Variants in CCNT1 observed in about 807,000 individuals in gnomAD.
CCNT1 encodes the protein cyclin T1.
Under a neutral mutation model 67.3 loss-of-function variants are expected in CCNT1, and 18 were observed. The ratio of observed to expected loss-of-function variants is 0.27; its 90% confidence interval spans 0.18 to 0.40. The LOEUF is 0.40. Ranked by LOEUF, CCNT1 falls within the 10% of genes least tolerant of loss-of-function variation. CCNT1 has a pLI of 1.00. For synonymous variants in CCNT1, 333 were observed against 310.3 expected (o/e 1.07, Z -0.77); for missense variants, 744 against 884.9 (o/e 0.84, Z 2.02).
chr12:48,704,246 A>T (rs1940318724), intron 3 of CCNT1, among the ~76,000 whole-genome samples: 1 of 152,166 alleles, frequency 6.6e-6, no homozygotes, highest in South Asian at 2.1e-4. Context: ...GCCTGTTATG[A>T]ACTAGGCCAC....
At chr12:48,699,547 C>T (rs1033738913) in intron 5 of CCNT1, among the ~76,000 whole-genome samples, 1 of 152,216 alleles carries the variant, frequency 6.6e-6, no homozygotes, top group African/African-American at 2.4e-5. Flanking sequence ...AACTGCCCAA[C>T]TTTGACAAAC....
intron 3 of CCNT1, among the ~76,000 whole-genome samples, chr12:48,705,360 G>A (rs1412138167): frequency 6.6e-6 from 1 of 151,908 alleles, no homozygotes; most frequent in Non-Finnish European, 1.5e-5. Flanking sequence ...GTCTCGAACT[G>A]GACTCAAGCA....
chr12:48,694,582 A>AT, intron 8 of CCNT1, 146 bp from the exon 9 acceptor site: 1 of 646,078 alleles, frequency 1.5e-6, no homozygotes, highest in Non-Finnish European at 2.6e-6. Flanking sequence ...TCCAATAAAT[A>AT]TTACCATCAA....
At chr12:48,716,314 G>A (rs904641088) in intron 1 of CCNT1, among the ~76,000 whole-genome samples, 1 of 152,244 alleles carries the variant, frequency 6.6e-6, no homozygotes, top group Non-Finnish European at 1.5e-5. Context: ...CGGCACGGGT[G>A]AGCGAGCGGG....
At position 48,698,586 on chromosome 12, in the gene CCNT1, C is replaced by A. The variant is rs535577209; in HGVS notation, c.497-403G>T. 1.0e-3 allele frequency among the ~76,000 whole-genome samples: 157 copies of A among 152,294 alleles called. 1 individual carries two copies. The highest frequency in any genetic ancestry group is 3.7e-3 in the African/African-American group (153 of 41,580). On this transcript the variant is annotated intron_variant, in intron 5 of 8. Transcript: ENST00000261900. ...GAGAATCACTAAACTACAGGATGAA[C>A]TAAGATGATCTAGAAGCAAGATCAG...
At chr12:48,695,614 A>C in intron 8 of CCNT1, 145 bp downstream of exon 8, 1 of 622,992 alleles carries the variant, frequency 1.6e-6, no homozygotes, top group Non-Finnish European at 2.9e-6. Context: ...AACAGTATCC[A>C]AGGTATGAAG....
Position 48,689,478 on chromosome 12 carries a change from A to T in CCNT1, c.*3555T>A, listed in dbSNP as rs1356855881. On this transcript the variant is annotated 3_prime_UTR_variant, in exon 9 of 9. Transcript: ENST00000261900. ...GCTGGGTGTTAACAAGCAGCAACTC[A>T]AGAAACTTGGGGAGGTATCAAAGTC... 1 of 152,218 alleles carries T rather than the reference A, an allele frequency of 6.6e-6. No homozygotes were observed. The highest frequency in any genetic ancestry group is 2.4e-5 in the African/African-American group (1 of 41,462). The allele number at this position is 152,218 out of a possible 1,614,324, so 9.4% of individuals were successfully genotyped here. A position where few individuals can be genotyped will look rare whatever the true frequency, so the allele number is the denominator to read the frequency against.
At chr12:48,700,461 C>T (rs1346602197) in intron 4 of CCNT1, among the ~76,000 whole-genome samples, 1 of 151,516 alleles carries the variant, frequency 6.6e-6, no homozygotes, top group Non-Finnish European at 1.5e-5. Flanking sequence ...GAAATCTTAC[C>T]CTACCTAGAA....
intron 2 of CCNT1, among the ~76,000 whole-genome samples, chr12:48,712,022 C>T (rs550018291): frequency 6.6e-6 from 1 of 152,240 alleles, no homozygotes; most frequent in East Asian, 1.9e-4. Flanking sequence ...TCTTGATCTG[C>T]TGACCTCGTG....
rs1014945551 is a variant in CCNT1 at position 48,690,855 on chromosome 12, C to T, written c.*2178G>A. ...GAGAGTAACTAAAAGCTGGAAAAGA[C>T]ATTTTTCAAAATCAAACCAGTGATC... On this transcript the variant is annotated 3_prime_UTR_variant, in exon 9 of 9. Coordinates refer to ENST00000261900, the MANE Select transcript of CCNT1 (RefSeq NM_001240.4). The T allele has an allele frequency of 2.0e-5, 3 of 152,068 alleles. No individual in the cohort carries two copies. Among genetic ancestry groups the T allele is most frequent in the African/African-American group, 7.2e-5 (3 of 41,412 alleles). 9.4% of individuals were successfully genotyped at this position (152,068 alleles called of 1,614,324 possible).
intron 2 of CCNT1, among the ~76,000 whole-genome samples, chr12:48,710,683 CCATT>C (rs775124150): frequency 2.4e-4 from 37 of 152,144 alleles, no homozygotes; most frequent in Non-Finnish European, 1.0e-4. Context: ...ACCAGATCAT[CCATT>C]CATTCAATAA....
At chr12:48,715,382 T>C (rs1940518610) in intron 1 of CCNT1, among the ~76,000 whole-genome samples, 1 of 152,162 alleles carries the variant, frequency 6.6e-6, no homozygotes, top group African/African-American at 2.4e-5. Flanking sequence ...AATTTAAAAC[T>C]ATACTAGTTT....
At chr12:48,703,061 C>T (rs181383803) in intron 3 of CCNT1, among the ~76,000 whole-genome samples, 2 of 151,264 alleles carry the variant, frequency 1.3e-5, no homozygotes, top group African/African-American at 2.4e-5. Flanking sequence ...GAATCTAATG[C>T]CTGATGATCT....
At chr12:48,711,385 T>C (rs1374785505) in intron 2 of CCNT1, among the ~76,000 whole-genome samples, 1 of 151,456 alleles carries the variant, frequency 6.6e-6, no homozygotes, top group Non-Finnish European at 1.5e-5. Flanking sequence ...ATCTCAAAAA[T>C]AAATAAATAA....
At chr12:48,711,303 C>T (rs1277257288) in intron 2 of CCNT1, among the ~76,000 whole-genome samples, 2 of 151,980 alleles carry the variant, frequency 1.3e-5, no homozygotes, top group East Asian at 3.9e-4. Flanking sequence ...TCGCTTGAAC[C>T]TGGGAGGTGG....
intron 1 of CCNT1, among the ~76,000 whole-genome samples, chr12:48,715,633 T>G (rs1940521947): frequency 6.6e-6 from 1 of 152,074 alleles, no homozygotes; most frequent in African/African-American, 2.4e-5. Flanking sequence ...GGTAATTTTT[T>G]GTATTTTTAG....
At chr12:48,708,499 A>G (rs1438145242) in intron 2 of CCNT1, among the ~76,000 whole-genome samples, 1 of 152,004 alleles carries the variant, frequency 6.6e-6, no homozygotes, top group Non-Finnish European at 1.5e-5. Context: ...GTGAGCCAAG[A>G]TCACGCCATT....
At chr12:48,704,035 A>G (rs1260911501) in intron 3 of CCNT1, among the ~76,000 whole-genome samples, 1 of 152,254 alleles carries the variant, frequency 6.6e-6, no homozygotes, top group Non-Finnish European at 1.5e-5. Flanking sequence ...ATTCACATAT[A>G]TATCATTAAA....
intron 2 of CCNT1, among the ~76,000 whole-genome samples, chr12:48,709,438 C>T (rs558383980): frequency 6.6e-6 from 1 of 152,268 alleles, no homozygotes; most frequent in East Asian, 1.9e-4. Context: ...CCTATAGGAA[C>T]TTGTATTAAA....
Sources: allele counts gnomAD v4.1 joint callset (sites outside exome capture counted in the v4.1 genomes callset), GRCh38; gene constraint gnomAD v4.1.1; transcripts MANE v1.5; gene names NCBI Gene and HGNC (gene_info 2026-07-23, HGNC 2026-07-21).